ZNF428: variants seen among roughly 807,000 people sequenced by gnomAD.
ZNF428 encodes the protein enzyme-like protein PIT13.
ZNF428 carries 5 observed loss-of-function variants against 15.6 expected under a neutral mutation model. The observed-to-expected ratio is 0.32, with a 90% CI of 0.17 to 0.67. The LOEUF (loss-of-function observed/expected upper bound fraction) is 0.67. ZNF428 is among the 30% of genes least tolerant of loss of function. The pLI is 0.73. For missense variants in ZNF428, 237 were observed against 256.0 expected, an observed-to-expected ratio of 0.93 and a Z score of 0.51; for synonymous variants, 97 against 102.2, an observed-to-expected ratio of 0.95 and a Z score of 0.31.
intron 1 of ZNF428, among the ~76,000 whole-genome samples, chr19:43,619,182 C>T (rs778047993): frequency 6.6e-6 from 1 of 152,204 alleles, no homozygotes; most frequent in Non-Finnish European, 1.5e-5. Context: ...GCAGTTCTTC[C>T]CAGGATGCCT....
intron 2 of ZNF428, chr19:43,613,749 G>GAGAT: frequency 6.4e-7 from 1 of 1,551,604 alleles, no homozygotes; most frequent in Non-Finnish European, 8.7e-7. Context: ...AACAAGGAGA[G>GAGAT]AGATCGCAGC....
At chr19:43,613,528 G>A in intron 2 of ZNF428, 4 of 1,551,120 alleles carry the variant, frequency 2.6e-6, no homozygotes, top group Non-Finnish European at 3.5e-6. Context: ...GTCCCAACAA[G>A]GCGAGAGATC....
chr19:43,614,737 T>C (rs1032241906), intron 1 of ZNF428, among the ~76,000 whole-genome samples: 2 of 152,170 alleles, frequency 1.3e-5, no homozygotes, highest in Admixed American at 6.5e-5. Context: ...TAGCTGGAAC[T>C]ACAAGTGTGC....
rs1213920053 is a variant in ZNF428 at position 43,612,718 on chromosome 19, A to G, written c.76+1511T>C. 3.9e-6 allele frequency: 6 copies of G among 1,551,640 alleles called. No homozygotes were observed. In the South Asian group the frequency reaches 7.1e-5, roughly 18 times the overall value. Reference sequence around the variant, plus strand: ...TGAGCAAGAAGAGTTACCGCCCACCAGGAGGCTCAGGTATAGGGAGGAGTT... The same window carrying G: ...TGAGCAAGAAGAGTTACCGCCCACCGGGAGGCTCAGGTATAGGGAGGAGTT... On this transcript the variant is annotated intron_variant, in intron 2 of 2. Coordinates refer to ENST00000300811, the MANE Select transcript of ZNF428 (RefSeq NM_182498.4). This position sits in a 1 kb window ranked among gnomAD's most constrained non-coding sequence, Gnocchi z 4.2.
intron 2 of ZNF428, among the ~76,000 whole-genome samples, chr19:43,608,797 G>T (rs1046358859): frequency 1.7e-4 from 25 of 149,330 alleles, no homozygotes. Context: ...GTGTGGTGGC[G>T]GGCGCCTGTA....
At chr19:43,613,302 G>A (rs569806851) in intron 2 of ZNF428, 1 of 1,551,588 alleles carries the variant, frequency 6.4e-7, no homozygotes, top group African/African-American at 1.4e-5. Context: ...CAATCAGGAA[G>A]CCCCAACAAG....
chr19:43,618,325 G>A (rs1600090415), intron 1 of ZNF428, among the ~76,000 whole-genome samples: 2 of 151,586 alleles, frequency 1.3e-5, no homozygotes, highest in East Asian at 1.9e-4. Flanking sequence ...GAGCCACCGC[G>A]CCCAGCCTAC....
In ZNF428 at chr19:43,613,813, C is replaced by A. The variant is rs1385124522; in HGVS notation, c.76+416G>T. The stretch of plus-strand genomic sequence containing the variant: ...AGCACAGACAATCCAGAAGCCCCAG[C>A]AAAGAGAGAGATCGCAGACGATGGA... On this transcript the variant is annotated intron_variant, in intron 2 of 2. Transcript: ENST00000300811. 1.2e-5 allele frequency: 18 copies of A among 1,549,156 alleles called. No individual in the cohort carries two copies. The highest frequency in any genetic ancestry group is 1.6e-5 in the Non-Finnish European group (18 of 1,145,196).
chr19:43,608,559 G>A (rs1391503615), intron 2 of ZNF428: 1 of 157,020 alleles, frequency 6.4e-6, no homozygotes, highest in Non-Finnish European at 1.4e-5. Context: ...GAGCCGAGGA[G>A]TTCCAGGCTG....
rs1010210434 is a variant in ZNF428, at chr19:43,613,437, G to A, written c.76+792C>T. 47 of 1,544,048 alleles carry A rather than the reference G, an allele frequency of 3.0e-5. 1 individual carries two copies. The highest frequency in any genetic ancestry group is 1.8e-4 in the African/African-American group (13 of 71,650). On this transcript the variant is annotated intron_variant, in intron 2 of 2. Coordinates refer to ENST00000300811, the MANE Select transcript of ZNF428 (RefSeq NM_182498.4). ...CCCAACAAGGCGAGAGATTGCAGCC[G>A]ATCTAGAAGTCCCTACAAGGCGAGA... is the stretch of plus-strand genomic sequence containing the variant.
intron 1 of ZNF428, among the ~76,000 whole-genome samples, chr19:43,615,927 C>G (rs143105604): frequency 1.3e-5 from 2 of 152,096 alleles, no homozygotes; most frequent in South Asian, 2.1e-4. Flanking sequence ...TGGGTTTTTA[C>G]GGAGGCTTTA....
At chr19:43,617,881 G>T (rs961954524) in intron 1 of ZNF428, among the ~76,000 whole-genome samples, 9 of 151,826 alleles carry the variant, frequency 5.9e-5, no homozygotes, top group African/African-American at 2.2e-4. Context: ...TTCTTTTTTG[G>T]GACGGAGTGT....
At chr19:43,617,255 C>G (rs1973381115) in intron 1 of ZNF428, among the ~76,000 whole-genome samples, 1 of 152,120 alleles carries the variant, frequency 6.6e-6, no homozygotes, top group Admixed American at 6.6e-5. Flanking sequence ...CGCCCCCGCC[C>G]CCCACCAACC....
chr19:43,616,685 C>A (rs1261997544), intron 1 of ZNF428, among the ~76,000 whole-genome samples: 1 of 152,138 alleles, frequency 6.6e-6, no homozygotes, highest in Non-Finnish European at 1.5e-5. Context: ...CATTACTACT[C>A]CCACCCCTGC....
Position 43,614,421 on chromosome 19 carries a change from G to A in ZNF428, c.-117C>T, listed in dbSNP as rs1973351127. On this transcript the variant is annotated 5_prime_UTR_variant, in exon 2 of 3. Coordinates refer to ENST00000300811, the MANE Select transcript of ZNF428 (RefSeq NM_182498.4). ...AGTTCTCTAATACAGGATGTTGGCA[G>A]GTAGAGAGGGATGCTGGATAGGGGG... The A allele has an allele frequency of 6.8e-7, 1 of 1,463,806 alleles. No homozygotes were observed. Among genetic ancestry groups the A allele is most frequent in the African/African-American group, 1.4e-5 (1 of 70,430 alleles). The allele number at this position is 1,463,806 out of a possible 1,614,324, so 90.7% of individuals were successfully genotyped here. A position where few individuals can be genotyped will look rare whatever the true frequency, so the allele number is the denominator to read the frequency against.
At chr19:43,611,084 A>AGGTCTCTCTCCAGCTTCCCCTGCCC (rs1973290862) in intron 2 of ZNF428, among the ~76,000 whole-genome samples, 1 of 152,082 alleles carries the variant, frequency 6.6e-6, no homozygotes, top group African/African-American at 2.4e-5. Flanking sequence ...GCTCCCAGCC[A>AGGTCTCTCTCCAGCTTCCCCTGCCC]GGTCTCTCTC....
chr19:43,619,009 A>ATGCC (rs1973403503), intron 1 of ZNF428, among the ~76,000 whole-genome samples: 1 of 152,124 alleles, frequency 6.6e-6, no homozygotes, highest in Non-Finnish European at 1.5e-5. Flanking sequence ...CTGAAAGGCA[A>ATGCC]ACACAGTGCT....
At chr19:43,613,072 C>T (rs1973321534) in intron 2 of ZNF428, 2 of 1,551,410 alleles carry the variant, frequency 1.3e-6, no homozygotes, top group Non-Finnish European at 1.7e-6. Context: ...CAAGAAGTCG[C>T]ACCCGGAAGG....
At position 43,612,352 on chromosome 19, in the gene ZNF428, G is replaced by A. The variant is rs1277388346; in HGVS notation, c.76+1877C>T. 5 of 1,551,624 alleles carry A rather than the reference G, an allele frequency of 3.2e-6. No homozygotes were observed. The highest frequency in any genetic ancestry group is 4.4e-6 in the Non-Finnish European group (5 of 1,146,982). On this transcript the variant is annotated intron_variant, in intron 2 of 2. Coordinates refer to ENST00000300811, the MANE Select transcript of ZNF428 (RefSeq NM_182498.4). This position sits in a 1 kb window ranked among gnomAD's most constrained non-coding sequence, Gnocchi z 4.2. Reference sequence around the variant, plus strand: ...GTACAAAAAGAGCCCCTTCTAACCGGCCCAGCAGCAGGTCCCGAGTCCGCA... The same window carrying A: ...GTACAAAAAGAGCCCCTTCTAACCGACCCAGCAGCAGGTCCCGAGTCCGCA...
Sources: allele counts gnomAD v4.1 joint callset (sites outside exome capture counted in the v4.1 genomes callset), GRCh38; gene constraint gnomAD v4.1.1; non-coding constraint Gnocchi (gnomAD v3.1); transcripts MANE v1.5; gene names NCBI Gene and HGNC (gene_info 2026-07-23, HGNC 2026-07-21).